WDR62: variants seen among roughly 807,000 people sequenced by gnomAD.
WDR62 encodes WD repeat-containing protein 62.
Under a neutral mutation model 160.6 loss-of-function variants are expected in WDR62, and 112 were observed. That is an observed-to-expected ratio of 0.70 (90% CI 0.60 to 0.82). The LOEUF (loss-of-function observed/expected upper bound fraction) is 0.82, where lower values mean the gene tolerates loss of function less well. Among genes scored for constraint, WDR62 ranks in the 40% least tolerant of loss-of-function variants. The pLI is 0.00. For missense variants in WDR62, 1,819 were observed against 1,983.8 expected (o/e 0.92, Z 1.58); for synonymous variants, 792 against 815.1 (o/e 0.97, Z 0.48).
intron 22 of WDR62, among the ~76,000 whole-genome samples, chr19:36,100,319 C>T (rs1245840940): frequency 6.6e-6 from 1 of 152,166 alleles, no homozygotes; most frequent in South Asian, 2.1e-4. Flanking sequence ...CATCCAGTAA[C>T]ATGCACAGAT....
chr19:36,074,025 A>G (rs1028836248), intron 9 of WDR62: 9 of 326,220 alleles, frequency 2.8e-5, no homozygotes, highest in African/African-American at 1.9e-4. Context: ...AAGACGGGGC[A>G]TGGTGGCTCA....
Position 36,067,345 on chromosome 19 carries a change from G to A in WDR62, c.601G>A (p.Val201Ile). ...GGCCTCCAACAAGGTATCTTGTAGA[G>A]TCATTGCCCTCTCCTTCTCAGAGGA... ...VVASNKVSCR[V>I]IALSFSEDSS... The change falls in exon 6 of 32, where the codon GTC (valine) becomes ATC (isoleucine). Residue 201 changes from valine to isoleucine, a missense_variant. Around this residue, in one of 3 missense-constraint regions of WDR62, gnomAD observed 934 missense variants for 1,157.2 expected, o/e 0.81. Coordinates refer to ENST00000401500, the MANE Select transcript of WDR62 (RefSeq NM_001083961.2). 6.2e-7 allele frequency: 1 copy of A among 1,614,218 alleles called. No homozygotes were observed. The highest frequency in any genetic ancestry group is 8.5e-7 in the Non-Finnish European group (1 of 1,180,036).
chr19:36,065,928 C>A (rs749898159), intron 3 of WDR62, 30 bp from the exon 4 acceptor site: 17 of 1,612,628 alleles, frequency 1.1e-5, no homozygotes, highest in Non-Finnish European at 1.2e-5. Context: ...CTCAGCGGAA[C>A]CAGTGATCAG....
At chr19:36,070,151 A>T (rs1971217962) in intron 7 of WDR62, 1 of 141,384 alleles carries the variant, frequency 7.1e-6, no homozygotes, top group Admixed American at 7.6e-5. Flanking sequence ...ATTTATTTTT[A>T]TTTATTTTTA....
In WDR62 at chr19:36,064,641, G is replaced by T. The variant is rs565738853; in HGVS notation, c.333-1317G>T. 6.6e-5 allele frequency among the ~76,000 whole-genome samples: 10 copies of T among 151,560 alleles called. No homozygotes were observed. The East Asian group carries it at 1.6e-3, about 24-fold the overall frequency. ...TGCCCAGGCTGGAGTGCAGCAGCACGATCTTGGCTTGCTGCAACCTCTGCC... is the reference window on the plus strand; with the variant it reads ...TGCCCAGGCTGGAGTGCAGCAGCACTATCTTGGCTTGCTGCAACCTCTGCC... On this transcript the variant is annotated intron_variant, in intron 3 of 31. Coordinates refer to ENST00000401500, the MANE Select transcript of WDR62 (RefSeq NM_001083961.2).
At position 36,091,441 on chromosome 19, in the gene WDR62, A is replaced by C; in HGVS notation, c.2186A>C (p.His729Pro). Residue 729 changes from histidine (H) to proline (P), a missense_variant, in exon 18 of 32, where the codon CAC becomes CCC. By Grantham distance (77) the His-to-Pro change is moderately conservative. Transcript: ENST00000401500. The part of the protein sequence containing the change: ...TSMKFTYDCH[H>P]LITVSGDSCV... The stretch of plus-strand genomic sequence containing the variant: ...ATGAAGTTCACCTATGACTGTCATC[A>C]CTTGATCACAGTATCTGGAGACAGG... The C allele has an allele frequency of 1.2e-6, 2 of 1,613,982 alleles. No homozygotes were observed. Among genetic ancestry groups the C allele is most frequent in the Non-Finnish European group, 1.7e-6 (2 of 1,180,026 alleles).
At chr19:36,100,714 C>A (rs753702809) in intron 22 of WDR62, 34 bp from the exon 23 acceptor site, 2 of 1,612,978 alleles carry the variant, frequency 1.2e-6, no homozygotes, top group Non-Finnish European at 1.7e-6. Context: ...CCAGCCATGC[C>A]TGCCTCAGAA....
In WDR62 at chr19:36,103,590, C is replaced by G. The variant is rs771454761; in HGVS notation, c.3762C>G (p.Ser1254=). ...CCCAGCCCCTCCGTAGGCCATCGTC[C>G]GTTGGGGAGCTGGCCTCCTTGGGCC... is the stretch of plus-strand genomic sequence containing the variant. ...TLAQPLRRPS[S]VGELASLGQE... Residue 1254 remains serine (S), a synonymous_variant, in exon 30 of 32, where the codon TCC becomes TCG. Coordinates refer to ENST00000401500, the MANE Select transcript of WDR62 (RefSeq NM_001083961.2). 1.5e-5 allele frequency: 25 copies of G among 1,613,394 alleles called. No homozygotes were observed. The Admixed American group carries it at 4.0e-4, about 26-fold the overall frequency.
chr19:36,091,345 A>ACCCCCC, intron 17 of WDR62, 34 bp downstream of exon 17: 2 of 1,046,170 alleles, frequency 1.9e-6, no homozygotes, highest in Non-Finnish European at 2.8e-6. Flanking sequence ...ATGCCTCCCC[A>ACCCCCC]CCCGCCCACA....
At position 36,100,782 on chromosome 19, in the gene WDR62, C is replaced by T. The variant is rs748604285; in HGVS notation, c.2774C>T (p.Pro925Leu). Residue 925 changes from proline to leucine, a missense_variant, in exon 23 of 32, where the codon CCC becomes CTC. Pro to Leu is a moderately conservative substitution (Grantham distance 98). Around this residue, in one of 3 missense-constraint regions of WDR62, gnomAD observed 934 missense variants for 1,157.2 expected, o/e 0.81. Coordinates refer to ENST00000401500, the MANE Select transcript of WDR62 (RefSeq NM_001083961.2). ...ESPQEAGRGH[P>L]SFLPQQKESS... ...CCCCAGGAAGCTGGCCGCGGGCACC[C>T]CTCCTTCCTGCCCCAGCAGAAGGAA... 1 of 1,614,080 alleles carries T rather than the reference C, an allele frequency of 6.2e-7. No homozygotes were observed. Among genetic ancestry groups the T allele is most frequent in the African/African-American group, 1.3e-5 (1 of 74,942 alleles).
At chr19:36,078,751 G>C (rs1446874290) in intron 9 of WDR62, among the ~76,000 whole-genome samples, 3 of 149,982 alleles carry the variant, frequency 2.0e-5, no homozygotes, top group African/African-American at 7.4e-5. Flanking sequence ...CAGGAGAATT[G>C]CTTGAACCCG....
At position 36,103,600 on chromosome 19, in the gene WDR62, C is replaced by G. The variant is rs1172449240; in HGVS notation, c.3772C>G (p.Leu1258Val). The change falls in exon 30 of 32, where the codon CTG becomes GTG. Residue 1258 changes from leucine to valine, a missense_variant. Physicochemically the swap from Leu to Val is conservative, Grantham distance 32. This residue lies in a region of WDR62 where 770 missense variants were observed against 734.2 expected (regional missense o/e 1.05). Coordinates refer to ENST00000401500, the MANE Select transcript of WDR62 (RefSeq NM_001083961.2). ...CCGTAGGCCATCGTCCGTTGGGGAG[C>G]TGGCCTCCTTGGGCCAGGAGCTTCA... ...PLRRPSSVGE[L>V]ASLGQELQAI... The G allele has an allele frequency of 6.2e-7, 1 of 1,613,160 alleles. No homozygotes were observed. Among genetic ancestry groups the G allele is most frequent in the Non-Finnish European group, 8.5e-7 (1 of 1,180,020 alleles).
downstream of WDR62, among the ~76,000 whole-genome samples, chr19:36,105,977 G>C (rs554076769): frequency 6.6e-6 from 1 of 152,152 alleles, no homozygotes; most frequent in African/African-American, 2.4e-5. Flanking sequence ...GGGATTACAG[G>C]CATGAGCCAC....
At chr19:36,102,576 G>A in intron 26 of WDR62, 161 bp from the exon 27 acceptor site, 2 of 661,620 alleles carry the variant, frequency 3.0e-6, no homozygotes, top group Admixed American at 2.5e-5. Flanking sequence ...CTTCACTCTT[G>A]ACCTGAGCCT....
Position 36,103,031 on chromosome 19 carries a change from A to C in WDR62, c.3419A>C (p.Gln1140Pro), listed in dbSNP as rs766594748. The C allele has an allele frequency of 6.2e-7, 1 of 1,614,130 alleles. No individual in the cohort carries two copies. Among genetic ancestry groups the C allele is most frequent in the Non-Finnish European group, 8.5e-7 (1 of 1,180,032 alleles). Residue 1140 changes from glutamine to proline, a missense_variant, in exon 28 of 32, where the codon CAG (glutamine) becomes CCG (proline). Around this residue, in one of 3 missense-constraint regions of WDR62, gnomAD observed 770 missense variants for 734.2 expected, o/e 1.05. Transcript: ENST00000401500. Reference sequence around the variant, plus strand: ...AAGCTCATGGACCGAGGCGGAAGCCAGCCCAGAGCAGGTACTGGCTACGCC... The same window carrying C: ...AAGCTCATGGACCGAGGCGGAAGCCCGCCCAGAGCAGGTACTGGCTACGCC... Reference protein sequence around the residue: ...EVKLMDRGGSQPRAGTGYASP... With the variant: ...EVKLMDRGGSPPRAGTGYASP...
intron 9 of WDR62, chr19:36,075,024 C>T (rs1195880213): frequency 1.3e-5 from 2 of 152,040 alleles, no homozygotes; most frequent in Non-Finnish European, 2.9e-5. Context: ...AATACTGCTT[C>T]TACCCTCTTC....
intron 9 of WDR62, among the ~76,000 whole-genome samples, chr19:36,077,934 C>G (rs191969054): frequency 6.6e-6 from 1 of 152,166 alleles, no homozygotes; most frequent in East Asian, 1.9e-4. Context: ...ACTATGTGGG[C>G]TTTTGTGCCT....
chr19:36,081,492 T>C lies in WDR62; in HGVS notation c.1293T>C (p.Cys431=), dbSNP rs1277257304. The change falls in exon 10 of 32, where the codon TGT becomes TGC. Residue 431 remains cysteine (C), a synonymous_variant. Coordinates refer to ENST00000401500, the MANE Select transcript of WDR62 (RefSeq NM_001083961.2). ...TGCCATCAGGATCCTTTCTGACTTG[T>C]TCTTCAGACAACACCATTCGCTTCT... The part of the protein sequence containing the change: ...ACLPSGSFLT[C]SSDNTIRFWN... 1.9e-6 allele frequency: 3 copies of C among 1,614,088 alleles called. No homozygotes were observed. Among genetic ancestry groups the C allele is most frequent in the Non-Finnish European group, 2.5e-6 (3 of 1,180,030 alleles).
chr19:36,059,050 C>A lies in WDR62; in HGVS notation c.269+179C>A, dbSNP rs776478046. 5 of 716,532 alleles carry A rather than the reference C, an allele frequency of 7.0e-6. 1 individual carries two copies. Among genetic ancestry groups the A allele is most frequent in the Non-Finnish European group, 1.3e-5 (5 of 386,564 alleles). 44.4% of individuals were successfully genotyped at this position (716,532 alleles called of 1,614,324 possible). A position where few individuals can be genotyped will look rare whatever the true frequency, so the allele number is the denominator to read the frequency against. On this transcript the variant is annotated intron_variant, in intron 2 of 31. Transcript: ENST00000401500. ...AGCCCCCTCTCTGTCTAGAACAGTT[C>A]CTGGCATGTAGTGAGTGCAATGAAA... is the stretch of plus-strand genomic sequence containing the variant.
Sources: allele counts gnomAD v4.1 joint callset (sites outside exome capture counted in the v4.1 genomes callset), GRCh38; gene constraint gnomAD v4.1.1; regional missense constraint gnomAD v4.1.1; transcripts MANE v1.5; gene names NCBI Gene and HGNC (gene_info 2026-07-23, HGNC 2026-07-21).